SEC14L5: variants seen among roughly 807,000 people sequenced by gnomAD.
SEC14L5 encodes the protein SEC14 like lipid binding 5.
Under a neutral mutation model 84.6 loss-of-function variants are expected in SEC14L5, and 96 were observed. The observed-to-expected ratio is 1.13, with a 90% CI of 0.96 to 1.34. The LOEUF is 1.34. Among genes scored for constraint, SEC14L5 ranks in the 40% most tolerant of loss-of-function variants. SEC14L5 has a pLI of 0.00. For missense variants in SEC14L5, 1,224 were observed against 942.5 expected (o/e 1.30, Z -3.91); for synonymous variants, 546 against 383.4 (o/e 1.42, Z -4.95).
chr16:4,959,516 G>T, intron 2 of SEC14L5, 130 bp downstream of exon 2: 1 of 796,178 alleles, frequency 1.3e-6, no homozygotes. Flanking sequence ...CAGCTGACCT[G>T]GTGGGTTTAA....
chr16:4,967,849 C>T (rs1955223739), intron 2 of SEC14L5, among the ~76,000 whole-genome samples: 1 of 150,940 alleles, frequency 6.6e-6, no homozygotes, highest in Admixed American at 6.6e-5. Flanking sequence ...TCAGGTGATC[C>T]ACCTACCTCG....
chr16:4,979,036 A>G (rs147064892), intron 2 of SEC14L5, among the ~76,000 whole-genome samples: 2 of 152,316 alleles, frequency 1.3e-5, no homozygotes, highest in Admixed American at 6.5e-5. Flanking sequence ...TGTATTTAAT[A>G]TCTTCTCCAA....
In SEC14L5 at chr16:4,996,445, G is replaced by C. The variant is rs61740312; in HGVS notation, c.765G>C (p.Glu255Asp). 881 of 1,567,140 alleles carry C rather than the reference G, an allele frequency of 5.6e-4. 3 individuals carry two copies. In the African/African-American group the frequency reaches 0.01, roughly 18 times the overall value. ...CLIQLRHWLQ[E>D]THKGKIPKDE... ...TCCAGCTTCGGCACTGGTTACAGGAGACCCACAAAGGCAAGGTGGGTGCAG... is the reference window on the plus strand; with the variant it reads ...TCCAGCTTCGGCACTGGTTACAGGACACCCACAAAGGCAAGGTGGGTGCAG... Residue 255 changes from glutamate (E) to aspartate (D), a missense_variant, in exon 7 of 16, where the codon GAG becomes GAC. Transcript: ENST00000251170.
chr16:4,958,648 G>T (rs1184964733), intron 1 of SEC14L5, among the ~76,000 whole-genome samples: 1 of 152,276 alleles, frequency 6.6e-6, no homozygotes, highest in Non-Finnish European at 1.5e-5. Context: ...GGGTGTGTGT[G>T]CGTGTGTGCA....
rs371342034 is a variant in SEC14L5 at position 4,991,870 on chromosome 16, G to T, written c.507G>T (p.Glu169Asp). 7 of 1,609,734 alleles carry T rather than the reference G, an allele frequency of 4.3e-6. No homozygotes were observed. In the Admixed American group the frequency reaches 1.2e-4, roughly 27 times the overall value. ...AGGTGATTGAGCATTACCTGAATGA[G>T]CTCATCTCCCAGGGTACCTCGCACA... The part of the protein sequence containing the change: ...GKEVIEHYLN[E>D]LISQGTSHIP... Residue 169 changes from glutamate to aspartate, a missense_variant, in exon 6 of 16, where the codon GAG becomes GAT. Coordinates refer to ENST00000251170, the MANE Select transcript of SEC14L5 (RefSeq NM_014692.2).
At chr16:4,969,197 AG>A (rs558973356) in intron 2 of SEC14L5, among the ~76,000 whole-genome samples, 1 of 152,316 alleles carries the variant, frequency 6.6e-6, no homozygotes, top group South Asian at 2.1e-4. Flanking sequence ...CTGATTTCCG[AG>A]GGCCCTGAAA....
intron 14 of SEC14L5, among the ~76,000 whole-genome samples, chr16:5,010,383 G>A (rs1955786090): frequency 6.6e-6 from 1 of 151,742 alleles, no homozygotes; most frequent in Admixed American, 6.6e-5. Flanking sequence ...AAACAAAACT[G>A]TAGTCTTGGA....
intron 2 of SEC14L5, among the ~76,000 whole-genome samples, chr16:4,974,007 C>G (rs1041311738): frequency 2.0e-5 from 3 of 151,712 alleles, no homozygotes; most frequent in Non-Finnish European, 4.4e-5. Context: ...TTTCTTGGAA[C>G]TATCCGGAGA....
intron 2 of SEC14L5, among the ~76,000 whole-genome samples, chr16:4,977,774 A>T (rs1035256352): frequency 6.6e-6 from 1 of 151,812 alleles, no homozygotes; most frequent in African/African-American, 2.4e-5. Flanking sequence ...TTTGAATTTT[A>T]TTCAGCCAGT....
chr16:4,959,236 T>A, intron 1 of SEC14L5, 37 bp from the exon 2 acceptor site: 1 of 994,728 alleles, frequency 1.0e-6, no homozygotes, highest in South Asian at 1.3e-5. Flanking sequence ...CTTCCCGAGG[T>A]GGGAGCTGCA....
Position 4,963,685 on chromosome 16 carries a change from G to A in SEC14L5, c.63+4299G>A, listed in dbSNP as rs147152302. Among the ~76,000 whole-genome samples, 330 of 151,740 alleles carry A rather than the reference G, an allele frequency of 2.2e-3. 11 individuals are homozygous for A. The East Asian group carries it at 0.054, about 25-fold the overall frequency. On this transcript the variant is annotated intron_variant, in intron 2 of 15. Coordinates refer to ENST00000251170, the MANE Select transcript of SEC14L5 (RefSeq NM_014692.2). The stretch of plus-strand genomic sequence containing the variant: ...TTCTTTCTTTTTGAGACAGAGTCTC[G>A]CCCTGTTGCTGAGGTTGGAGTGCAG...
chr16:4,990,970 T>G (rs2972263), intron 5 of SEC14L5, 75 bp downstream of exon 5: 1 of 1,118,838 alleles, frequency 8.9e-7, no homozygotes, highest in East Asian at 1.1e-4. Context: ...GCATGACCCC[T>G]GGCAAGACCC....
chr16:4,965,441 C>G (rs1451569425), intron 2 of SEC14L5, among the ~76,000 whole-genome samples: 1 of 146,562 alleles, frequency 6.8e-6, no homozygotes, highest in Non-Finnish European at 1.5e-5. Flanking sequence ...GCGGGCGGAT[C>G]ACGAGGTCAG....
chr16:4,976,221 C>T (rs1313678828), intron 2 of SEC14L5, among the ~76,000 whole-genome samples: 4 of 152,124 alleles, frequency 2.6e-5, no homozygotes, highest in African/African-American at 9.7e-5. Context: ...TTCTTACTTC[C>T]CCTTTTACAC....
chr16:5,003,590 G>C lies in SEC14L5; in HGVS notation c.1302+17G>C. On this transcript the variant is annotated intron_variant, in intron 11 of 15. Transcript: ENST00000251170. ...TGGACACTGGTAAGAGCTGGAGCCT[G>C]GGCCAGGACTCTCCCTGGGGGTGGG... 1 of 1,334,520 alleles carries C rather than the reference G, an allele frequency of 7.5e-7. No homozygotes were observed. Among genetic ancestry groups the C allele is most frequent in the Non-Finnish European group, 1.0e-6 (1 of 991,150 alleles). The allele number at this position is 1,334,520 out of a possible 1,614,324, so 82.7% of individuals were successfully genotyped here.
intron 6 of SEC14L5, among the ~76,000 whole-genome samples, chr16:4,994,375 T>A (rs1026656735): frequency 3.3e-5 from 5 of 151,966 alleles, no homozygotes; most frequent in Non-Finnish European, 5.9e-5. Context: ...CTTTTTTTTT[T>A]ATCTGTCACC....
chr16:4,972,192 G>A (rs1222760816), intron 2 of SEC14L5, among the ~76,000 whole-genome samples: 1 of 152,066 alleles, frequency 6.6e-6, no homozygotes, highest in African/African-American at 2.4e-5. Flanking sequence ...TGTGGAGATA[G>A]GGGTTTTGCT....
intron 11 of SEC14L5, among the ~76,000 whole-genome samples, chr16:5,005,346 T>G (rs1374180348): frequency 6.6e-6 from 1 of 150,408 alleles, no homozygotes; most frequent in African/African-American, 2.5e-5. Context: ...ACGCCCAGAA[T>G]AGGCAAATCC....
Position 5,017,639 on chromosome 16 carries a change from A to T in SEC14L5, c.*2669A>T, listed in dbSNP as rs972799469. On this transcript the variant is annotated 3_prime_UTR_variant, in exon 16 of 16. Transcript: ENST00000251170. ...GCAAGGAACTAGGGTCCCGTGATTG[A>T]CATTCCCTGCAGAAGCCGCAGCAGG... The T allele has an allele frequency of 6.6e-6, 1 of 152,230 alleles. No individual in the cohort carries two copies. The highest frequency in any genetic ancestry group is 1.5e-5 in the Non-Finnish European group (1 of 68,058). 9.4% of individuals were successfully genotyped at this position (152,230 alleles called of 1,614,324 possible). A position where few individuals can be genotyped will look rare whatever the true frequency, so the allele number is the denominator to read the frequency against.
Sources: allele counts gnomAD v4.1 joint callset (sites outside exome capture counted in the v4.1 genomes callset), GRCh38; gene constraint gnomAD v4.1.1; transcripts MANE v1.5; gene names NCBI Gene and HGNC (gene_info 2026-07-23, HGNC 2026-07-21).